The following RYR3 variants were observed in gnomAD, a reference collection of about 807,000 sequenced individuals.
RYR3 encodes ryanodine receptor 3, also known as brain ryanodine receptor-calcium release channel.
A neutral mutation model predicts 584.3 loss-of-function variants in RYR3; 207 were observed. The ratio of observed to expected loss-of-function variants is 0.35; its 90% CI spans 0.32 to 0.40. The LOEUF (loss-of-function observed/expected upper bound fraction) is 0.40, where lower values mean the gene tolerates loss of function less well. Ranked by LOEUF, RYR3 falls within the 10% of genes least tolerant of loss-of-function variation. The pLI is 1.00. For missense variants in RYR3, 5,616 were observed against 6,089.2 expected (o/e 0.92, Z 2.59); for synonymous variants, 2,416 against 2,248.5 (o/e 1.07, Z -2.11).
chr15:33,810,352 T>G, intron 70 of RYR3, 127 bp from the exon 71 acceptor site: 1 of 820,390 alleles, frequency 1.2e-6, no homozygotes, highest in South Asian at 1.8e-5. Flanking sequence ...TTCACTGTCC[T>G]TTGAAGTGTA....
chr15:33,763,658 C>T (rs947315319), intron 60 of RYR3, among the ~76,000 whole-genome samples: 2 of 151,820 alleles, frequency 1.3e-5, no homozygotes, highest in African/African-American at 4.8e-5. Context: ...TTTGGGGAGC[C>T]CAAGGCAGGC....
At position 33,566,311 on chromosome 15, in the gene RYR3, C is replaced by T. The variant is rs374270492; in HGVS notation, c.1147-367C>T. Among the ~76,000 whole-genome samples, 3 of 152,292 alleles carry T rather than the reference C, an allele frequency of 2.0e-5. 1 individual carries two copies. In the South Asian group the frequency reaches 6.2e-4, roughly 32 times the overall value. On this transcript the variant is annotated intron_variant, in intron 11 of 103. Transcript: ENST00000634891. ...TTCAATTCATCTCTGGAGGAAAAGGCTTTGAACACAGTGACTTTTCCCATT... is the reference window on the plus strand; with the variant it reads ...TTCAATTCATCTCTGGAGGAAAAGGTTTTGAACACAGTGACTTTTCCCATT...
intron 1 of RYR3, among the ~76,000 whole-genome samples, chr15:33,438,801 C>A (rs199568238): frequency 2.2e-5 from 2 of 88,918 alleles, no homozygotes; most frequent in Non-Finnish European, 5.3e-5. Context: ...AACCTAATAA[C>A]TAAAAGAATG....
rs374709083 is a variant in RYR3, at chr15:33,580,061, C to T, written c.1354C>T (p.Pro452Ser). ...TLQDLIAYFQPPEEEMRHEDK... is the reference protein window; with the variant it reads ...TLQDLIAYFQSPEEEMRHEDK... ...ACAGGACTTGATCGCCTACTTCCAG[C>T]CCCCAGAGGAGGAGATGCGACATGA... Residue 452 changes from proline to serine, a missense_variant, in exon 13 of 104, where the codon CCC becomes TCC. Physicochemically the swap from Pro to Ser is moderately conservative, Grantham distance 74 (BLOSUM62 -1). Around this residue, in one of 9 missense-constraint regions of RYR3, gnomAD observed 1,284 missense variants for 1,344.6 expected, o/e 0.95. Coordinates refer to ENST00000634891, the MANE Select transcript of RYR3 (RefSeq NM_001036.6). The T allele has an allele frequency of 3.1e-6, 5 of 1,613,518 alleles. No individual in the cohort carries two copies. In the East Asian group the frequency reaches 6.7e-5, roughly 22 times the overall value.
In RYR3 at chr15:33,500,317, G is replaced by C. The variant is rs533620314; in HGVS notation, c.172-3314G>C. 3.7e-4 allele frequency among the ~76,000 whole-genome samples: 56 copies of C among 152,324 alleles called. 1 individual carries two copies. Among genetic ancestry groups the C allele is most frequent in the African/African-American group, 1.3e-3 (56 of 41,558 alleles). ...AGTGTATGCTAGCACAGTGCGAAGT[G>C]AATGTTGTGGATTGCCAGATAGAGA... On this transcript the variant is annotated intron_variant, in intron 2 of 103. Transcript: ENST00000634891.
intron 1 of RYR3, among the ~76,000 whole-genome samples, chr15:33,397,953 AG>A (rs1555455696): frequency 6.6e-6 from 1 of 152,170 alleles, no homozygotes; most frequent in Non-Finnish European, 1.5e-5. Context: ...TTTGTCCACA[AG>A]GGGGTCTGTG....
chr15:33,442,520 C>A (rs967380190), intron 1 of RYR3, among the ~76,000 whole-genome samples: 1 of 152,204 alleles, frequency 6.6e-6, no homozygotes, highest in Admixed American at 6.5e-5. Flanking sequence ...CTGCTTCTAG[C>A]AGAATTAAGT....
chr15:33,485,246 T>TGGTGAGGTCAGGTGGTGAGGTCAAG (rs1387610285), intron 2 of RYR3, among the ~76,000 whole-genome samples: 1 of 152,124 alleles, frequency 6.6e-6, no homozygotes, highest in Admixed American at 6.5e-5. Flanking sequence ...TTCAATGGCA[T>TGGTGAGGTCAGGTGGTGAGGTCAAG]GTGGTGAGGA....
chr15:33,575,316 A>C (rs2058241102), intron 12 of RYR3, among the ~76,000 whole-genome samples: 1 of 152,230 alleles, frequency 6.6e-6, no homozygotes, highest in Non-Finnish European at 1.5e-5. Context: ...AAAACAACAG[A>C]ATATACATTC....
At chr15:33,604,899 T>A (rs2059835565) in intron 18 of RYR3, among the ~76,000 whole-genome samples, 1 of 152,192 alleles carries the variant, frequency 6.6e-6, no homozygotes, top group African/African-American at 2.4e-5. Flanking sequence ...CTGAGTGTGG[T>A]AGGATTAAGT....
chr15:33,564,976 CAAG>C (rs1440260613), intron 11 of RYR3, among the ~76,000 whole-genome samples: 2 of 152,140 alleles, frequency 1.3e-5, no homozygotes, highest in Admixed American at 1.3e-4. Context: ...AAACAGTAAT[CAAG>C]AAAAACCAAT....
chr15:33,757,167 C>G (rs1422784309), intron 59 of RYR3, among the ~76,000 whole-genome samples: 3 of 152,176 alleles, frequency 2.0e-5, no homozygotes, highest in Non-Finnish European at 4.4e-5. Context: ...TTGAGTGCCT[C>G]TTAGATGCAG....
chr15:33,433,388 G>A (rs2045372461), intron 1 of RYR3, among the ~76,000 whole-genome samples: 1 of 152,068 alleles, frequency 6.6e-6, no homozygotes. Flanking sequence ...TGCATCTAAA[G>A]CTATTTTGGT....
intron 85 of RYR3, 47 bp from the exon 86 acceptor site, chr15:33,830,916 A>G (rs2077639402): frequency 6.3e-7 from 1 of 1,595,698 alleles, no homozygotes; most frequent in Non-Finnish European, 8.5e-7. Flanking sequence ...GTTTAGCTTC[A>G]CTGACTGAAG....
At position 33,748,168 on chromosome 15, in the gene RYR3, G is replaced by A. The variant is rs2152845782; in HGVS notation, c.8044G>A (p.Val2682Met). The change falls in exon 54 of 104, where the codon GTG (valine) becomes ATG (methionine). Residue 2682 changes from valine to methionine, a missense_variant. By Grantham distance (21) the Val-to-Met change is conservative. Transcript: ENST00000634891. The stretch of plus-strand genomic sequence containing the variant: ...AGAGTCCCTGAAAACCATGCTGGCT[G>A]TGGGCTGGACTGTGGAGAGGACCAA... ...ARESLKTMLA[V>M]GWTVERTKEG... is the part of the protein sequence containing the mutation. The A allele has an allele frequency of 1.9e-6, 3 of 1,613,886 alleles. No homozygotes were observed. The South Asian group carries it at 3.3e-5, about 18-fold the overall frequency.
chr15:33,370,196 A>G (rs1190754275), intron 1 of RYR3, among the ~76,000 whole-genome samples: 1 of 152,092 alleles, frequency 6.6e-6, no homozygotes. Context: ...CTGCTATACA[A>G]CCATGCACTG....
intron 6 of RYR3, 132 bp downstream of exon 6, chr15:33,539,594 A>T (rs2055635960): frequency 5.2e-6 from 3 of 572,320 alleles, no homozygotes; most frequent in African/African-American, 1.9e-5. Context: ...TTGACCCTTA[A>T]ACAATGTAGG....
At position 33,832,921 on chromosome 15, in the gene RYR3, T is replaced by C. The variant is rs11853648; in HGVS notation, c.11463+1830T>C. Among the ~76,000 whole-genome samples, 471 of 149,508 alleles carry C rather than the reference T, an allele frequency of 3.2e-3. 4 individuals are homozygous for C. The highest frequency in any genetic ancestry group is 0.011 in the African/African-American group (443 of 40,480). ...TACTCAAGAGGCTAAGGCAGGAGAA[T>C]CGCTTGAACCCAGGAGGCAGAGGTT... is the stretch of plus-strand genomic sequence containing the variant. On this transcript the variant is annotated intron_variant, in intron 86 of 103. Coordinates refer to ENST00000634891, the MANE Select transcript of RYR3 (RefSeq NM_001036.6).
At chr15:33,612,635 C>G (rs1419504885) in intron 18 of RYR3, among the ~76,000 whole-genome samples, 2 of 152,238 alleles carry the variant, frequency 1.3e-5, no homozygotes, top group East Asian at 3.8e-4. Context: ...GCTGGGATTA[C>G]AGGCGTGAGC....
Sources: allele counts gnomAD v4.1 joint callset (sites outside exome capture counted in the v4.1 genomes callset), GRCh38; gene constraint gnomAD v4.1.1; regional missense constraint gnomAD v4.1.1; transcripts MANE v1.5; gene names NCBI Gene and HGNC (gene_info 2026-07-23, HGNC 2026-07-21).